Variants in NHEJ1 observed in about 807,000 individuals in gnomAD.
The protein encoded by NHEJ1 is non-homologous end-joining factor 1.
NHEJ1 carries 22 observed loss-of-function variants against 39.4 expected under a neutral mutation model. The ratio of observed to expected loss-of-function variants is 0.56; its 90% CI spans 0.40 to 0.80. The LOEUF (loss-of-function observed/expected upper bound fraction) is 0.80, where lower values mean the gene tolerates loss of function less well. NHEJ1 is among the 30% of genes least tolerant of loss of function. NHEJ1 has a pLI of 0.00. For synonymous variants in NHEJ1, 154 were observed against 135.6 expected, an observed-to-expected ratio of 1.14 and a Z score of -0.94; for missense variants, 329 against 357.1, an observed-to-expected ratio of 0.92 and a Z score of 0.63.
At chr2:219,104,901 T>C (rs959783265) in intron 5 of NHEJ1, among the ~76,000 whole-genome samples, 2 of 152,210 alleles carry the variant, frequency 1.3e-5, no homozygotes, top group African/African-American at 4.8e-5. Flanking sequence ...AAGGCTTAAC[T>C]TGACCAAATT....
chr2:219,116,283 T>C (rs1486070217), intron 5 of NHEJ1, among the ~76,000 whole-genome samples: 8 of 152,246 alleles, frequency 5.3e-5, no homozygotes, highest in African/African-American at 1.9e-4. Flanking sequence ...TGATTTCTTT[T>C]TTCTTTTTTT....
At chr2:219,084,855 A>T (rs1269443407) in intron 5 of NHEJ1, among the ~76,000 whole-genome samples, 1 of 152,164 alleles carries the variant, frequency 6.6e-6, no homozygotes, top group African/African-American at 2.4e-5. Flanking sequence ...TTGGGTGGCA[A>T]GTATAACAGT....
chr2:219,117,114 T>A (rs182746542), intron 5 of NHEJ1, among the ~76,000 whole-genome samples: 14 of 152,156 alleles, frequency 9.2e-5, no homozygotes, highest in Admixed American at 9.2e-4. Context: ...TATCCCCCTA[T>A]CTGCCTGCAT....
intron 3 of NHEJ1, among the ~76,000 whole-genome samples, chr2:219,148,445 A>G (rs951700251): frequency 2.6e-5 from 4 of 151,958 alleles, no homozygotes; most frequent in African/African-American, 9.7e-5. Context: ...TGTAATCCCA[A>G]CTACTCGGGA....
intron 5 of NHEJ1, among the ~76,000 whole-genome samples, chr2:219,090,391 GT>G (rs1365057382): frequency 2.0e-5 from 3 of 152,210 alleles, no homozygotes; most frequent in Non-Finnish European, 4.4e-5. Flanking sequence ...GATCATGCAT[GT>G]AAAGTTCTCC....
intron 7 of NHEJ1, 139 bp from the exon 8 acceptor site, chr2:219,076,594 AG>A (rs1949016808): frequency 2.8e-6 from 2 of 721,564 alleles, no homozygotes; most frequent in Admixed American, 3.1e-5. Flanking sequence ...CCCAGGCTGG[AG>A]TACATGGGCA....
At position 219,158,322 on chromosome 2, in the gene NHEJ1, G is replaced by A. The variant is rs747032828; in HGVS notation, c.41C>T (p.Ala14Val). Reference sequence around the variant, plus strand: ...GGAGTTCTCTGCAAGCTGTAGCCACGCCCATGGCTGCATCAACAGGCCTTG... The same window carrying A: ...GGAGTTCTCTGCAAGCTGTAGCCACACCCATGGCTGCATCAACAGGCCTTG... ...LEQGLLMQPW[A>V]WLQLAENSLL... The change falls in exon 2 of 8, where the codon GCG (alanine) becomes GTG (valine). Residue 14 changes from alanine (A) to valine (V), a missense_variant. Transcript: ENST00000356853. 47 of 1,614,006 alleles carry A rather than the reference G, an allele frequency of 2.9e-5. No individual in the cohort carries two copies. The highest frequency in any genetic ancestry group is 6.7e-5 in the African/African-American group (5 of 74,886).
chr2:219,080,102 GAACCT>G (rs1949048788), intron 5 of NHEJ1, among the ~76,000 whole-genome samples: 1 of 152,186 alleles, frequency 6.6e-6, no homozygotes, highest in Non-Finnish European at 1.5e-5. Context: ...TCTAAATGTG[GAACCT>G]AATCTAAGCC....
At chr2:219,128,686 G>A (rs906311658) in intron 5 of NHEJ1, among the ~76,000 whole-genome samples, 6 of 152,178 alleles carry the variant, frequency 3.9e-5, no homozygotes, top group South Asian at 4.1e-4. Flanking sequence ...TCCTTGACAC[G>A]TTCTTGCCCG....
At chr2:219,094,563 G>C (rs767202281) in intron 5 of NHEJ1, among the ~76,000 whole-genome samples, 3 of 152,214 alleles carry the variant, frequency 2.0e-5, no homozygotes, top group East Asian at 1.9e-4. Context: ...CCTGGCTATA[G>C]TCCAGGTACT....
intron 5 of NHEJ1, among the ~76,000 whole-genome samples, chr2:219,081,695 T>C (rs1420500968): frequency 6.6e-6 from 1 of 152,230 alleles, no homozygotes; most frequent in African/African-American, 2.4e-5. Flanking sequence ...TATGTTGTTT[T>C]GTTTTTCAAG....
intron 5 of NHEJ1, among the ~76,000 whole-genome samples, chr2:219,142,331 C>T (rs998737093): frequency 6.6e-6 from 1 of 152,202 alleles, no homozygotes; most frequent in Admixed American, 6.5e-5. Context: ...GTGTCAAGGG[C>T]TGATTCCTAG....
At chr2:219,145,189 T>C (rs1949724249) in intron 5 of NHEJ1, among the ~76,000 whole-genome samples, 1 of 152,090 alleles carries the variant, frequency 6.6e-6, no homozygotes, top group Non-Finnish European at 1.5e-5. Context: ...CACTCCAGTC[T>C]GGGTGACAGA....
chr2:219,108,382 G>A (rs1949332698), intron 5 of NHEJ1, among the ~76,000 whole-genome samples: 1 of 152,104 alleles, frequency 6.6e-6, no homozygotes, highest in South Asian at 2.1e-4. Flanking sequence ...ATAGGTTTTG[G>A]CTATCAAGGA....
intron 1 of NHEJ1, among the ~76,000 whole-genome samples, chr2:219,159,528 T>TATATATATATATATGC (rs745852983): frequency 1.1e-5 from 1 of 92,236 alleles, no homozygotes; most frequent in Non-Finnish European, 2.2e-5. Context: ...TATATATGCA[T>TATATATATATATATGC]ATATATATGC....
chr2:219,107,420 C>A (rs1949324564), intron 5 of NHEJ1, among the ~76,000 whole-genome samples: 1 of 152,058 alleles, frequency 6.6e-6, no homozygotes, highest in Admixed American at 6.5e-5. Context: ...GGTGACAAAT[C>A]AAAAAAGTGG....
intron 5 of NHEJ1, among the ~76,000 whole-genome samples, chr2:219,098,149 A>C (rs1426274161): frequency 6.6e-6 from 1 of 152,204 alleles, no homozygotes; most frequent in African/African-American, 2.4e-5. Flanking sequence ...GAACAATTTC[A>C]ATGGAGTGAT....
chr2:219,106,523 A>T (rs1949315061), intron 5 of NHEJ1, among the ~76,000 whole-genome samples: 1 of 152,224 alleles, frequency 6.6e-6, no homozygotes, highest in African/African-American at 2.4e-5. Flanking sequence ...CAGAAAGCCA[A>T]GCAAAAGAGA....
At chr2:219,140,623 A>G (rs927128115) in intron 5 of NHEJ1, among the ~76,000 whole-genome samples, 7 of 152,218 alleles carry the variant, frequency 4.6e-5, no homozygotes, top group African/African-American at 1.7e-4. Context: ...AAAGTGAAAG[A>G]ATGAACCTTC....
Sources: allele counts gnomAD v4.1 joint callset (sites outside exome capture counted in the v4.1 genomes callset), GRCh38; gene constraint gnomAD v4.1.1; transcripts MANE v1.5; gene names NCBI Gene and HGNC (gene_info 2026-07-23, HGNC 2026-07-21).